Variants in TAC3 observed in about 807,000 individuals in gnomAD.
TAC3 encodes the protein tachykinin precursor 3, also known as tachykinin-3.
TAC3 carries 9 observed loss-of-function variants against 16.5 expected under a neutral mutation model. That is an observed-to-expected ratio of 0.55 (90% CI 0.33 to 0.95). The LOEUF (loss-of-function observed/expected upper bound fraction) is 0.95. TAC3 is among the 40% of genes least tolerant of loss of function. The pLI is 0.03. For missense variants in TAC3, 129 were observed against 149.1 expected (o/e 0.87, Z 0.70); for synonymous variants, 52 against 56.7 (o/e 0.92, Z 0.37).
intron 1 of TAC3, 96 bp from the exon 2 acceptor site, chr12:57,015,898 C>T (rs937431855): frequency 2.3e-5 from 23 of 1,017,338 alleles, no homozygotes; most frequent in Non-Finnish European, 3.1e-5. Context: ...AGCAGCTTGG[C>T]TTGACCCTGC....
chr12:57,012,092 C>T, intron 6 of TAC3: 1 of 449,024 alleles, frequency 2.2e-6, no homozygotes, highest in African/African-American at 2.0e-5. Flanking sequence ...ACAGAAATTG[C>T]CCATCGGGGA....
intron 2 of TAC3, among the ~76,000 whole-genome samples, chr12:57,014,488 T>C (rs1160080517): frequency 6.6e-6 from 1 of 152,160 alleles, no homozygotes; most frequent in East Asian, 1.9e-4. Context: ...ACTACCCTCT[T>C]CCTGCCCCAA....
chr12:57,011,458 C>A (rs777552136), intron 6 of TAC3, among the ~76,000 whole-genome samples: 2 of 152,172 alleles, frequency 1.3e-5, no homozygotes, highest in Non-Finnish European at 2.9e-5. Flanking sequence ...AGTGTCAAGG[C>A]GGAAGGTTCG....
Position 57,016,397 on chromosome 12 carries a change from G to A in TAC3, c.-16C>T, listed in dbSNP as rs1344403638. 1 of 451,116 alleles carries A rather than the reference G, an allele frequency of 2.2e-6. No homozygotes were observed. Among genetic ancestry groups the A allele is most frequent in the Admixed American group, 2.4e-5 (1 of 42,480 alleles). The allele number at this position is 451,116 out of a possible 1,614,324, so 27.9% of individuals were successfully genotyped here. A position where few individuals can be genotyped will look rare whatever the true frequency, so the allele number is the denominator to read the frequency against. On this transcript the variant is annotated 5_prime_UTR_variant, in exon 1 of 7. Transcript: ENST00000458521. ...CTCCCACTTGCCTACCTGTGGAGCA[G>A]CTCTGTGCCGGGGGCTGGGTGGTCT...
chr12:57,013,017 T>G, intron 4 of TAC3, 142 bp from the exon 5 acceptor site: 3 of 1,053,434 alleles, frequency 2.8e-6, no homozygotes, highest in Non-Finnish European at 4.3e-6. Flanking sequence ...AGTTAGCAAG[T>G]GCCTCCCCTA....
chr12:57,013,184 C>T lies in TAC3; in HGVS notation c.238+175G>A. 5 of 845,348 alleles carry T rather than the reference C, an allele frequency of 5.9e-6. No individual in the cohort carries two copies. In the South Asian group the frequency reaches 7.6e-5, roughly 13 times the overall value. The allele number at this position is 845,348 out of a possible 1,614,324, so 52.4% of individuals were successfully genotyped here. A position where few individuals can be genotyped will look rare whatever the true frequency, so the allele number is the denominator to read the frequency against. ...GAGCCCACCATGCCCCTCACACCAGCTTCCTCCTAGTTCTGGATGGCCTCT... is the reference window on the plus strand; with the variant it reads ...GAGCCCACCATGCCCCTCACACCAGTTTCCTCCTAGTTCTGGATGGCCTCT... On this transcript the variant is annotated intron_variant, in intron 4 of 6. Coordinates refer to ENST00000458521, the MANE Select transcript of TAC3 (RefSeq NM_013251.4).
At chr12:57,012,782 G>A (rs749635512) in intron 5 of TAC3, 40 bp downstream of exon 5, 22 of 1,613,926 alleles carry the variant, frequency 1.4e-5, no homozygotes, top group Non-Finnish European at 1.6e-5. Flanking sequence ...TACTCTGCCA[G>A]TACCCTAAGC....
chr12:57,011,411 C>G (rs940027077), intron 6 of TAC3, among the ~76,000 whole-genome samples: 2 of 152,166 alleles, frequency 1.3e-5, no homozygotes, highest in Non-Finnish European at 2.9e-5. Context: ...GAAAAGAAAG[C>G]CATTGGTGGA....
Position 57,012,472 on chromosome 12 carries a change from G to GT in TAC3, c.293-21dup. On this transcript the variant is annotated intron_variant, in intron 5 of 6. Transcript: ENST00000458521. ...GAGAGTCTAGGGTAAAGCGAACAGTGTAAGTAAGAGGGATCTTTCTGAATG... is the reference window on the plus strand; with the variant it reads ...GAGAGTCTAGGGTAAAGCGAACAGTGTTAAGTAAGAGGGATCTTTCTGAATG... 1 of 1,613,764 alleles carries GT rather than the reference G, an allele frequency of 6.2e-7. No individual in the cohort carries two copies. Among genetic ancestry groups the GT allele is most frequent in the African/African-American group, 1.3e-5 (1 of 75,002 alleles).
Position 57,015,702 on chromosome 12 carries a change from A to G in TAC3, c.96T>C (p.Pro32=). 6.2e-7 allele frequency: 1 copy of G among 1,613,906 alleles called. No individual in the cohort carries two copies. The highest frequency in any genetic ancestry group is 8.5e-7 in the Non-Finnish European group (1 of 1,179,962). ...GACTTACCTTGCTGCGGCCCCCGCC[A>G]GGAACCACCTCCTCCTGTGGCTCCT... ...VCKEPQEEVV[P]GGGRSKRDPD... The change falls in exon 2 of 7, where the codon CCT becomes CCC. Residue 32 remains proline (P), a synonymous_variant. Transcript: ENST00000458521.
At chr12:57,015,640 C>G (rs1282208452) in intron 2 of TAC3, 44 bp downstream of exon 2, 1 of 1,575,248 alleles carries the variant, frequency 6.3e-7, no homozygotes, top group South Asian at 1.1e-5. Context: ...GGCAGAGTCC[C>G]AAGTTCCCGT....
In TAC3 at chr12:57,012,559, G is replaced by T. The variant is rs1004555748; in HGVS notation, c.293-107C>A. The T allele has an allele frequency of 2.9e-5, 46 of 1,602,592 alleles. No homozygotes were observed. In the African/African-American group the frequency reaches 5.9e-4, roughly 20 times the overall value. On this transcript the variant is annotated intron_variant, in intron 5 of 6. Transcript: ENST00000458521. ...ATGACGGGCAGTGTTCAAAGACAGA[G>T]TTGGGAGACTGGGGTGGAAGCAGAG...
chr12:57,014,943 C>T (rs1298267172), intron 2 of TAC3, among the ~76,000 whole-genome samples: 2 of 152,202 alleles, frequency 1.3e-5, no homozygotes, highest in Non-Finnish European at 2.9e-5. Context: ...ATCTTAAAAG[C>T]ATTTGTACCG....
chr12:57,014,227 A>ATT (rs200162962), intron 2 of TAC3, among the ~76,000 whole-genome samples: 5 of 140,730 alleles, frequency 3.6e-5, no homozygotes, highest in South Asian at 2.3e-4. Context: ...TGTCCCTGTG[A>ATT]TTTTTTTTTT....
intron 6 of TAC3, among the ~76,000 whole-genome samples, chr12:57,011,387 C>A (rs142263473): frequency 6.6e-6 from 1 of 152,308 alleles, no homozygotes; most frequent in African/African-American, 2.4e-5. Flanking sequence ...CACCCCAATT[C>A]TTTGGAAGCT....
At chr12:57,015,642 A>C in intron 2 of TAC3, 42 bp downstream of exon 2, 1 of 1,577,838 alleles carries the variant, frequency 6.3e-7, no homozygotes, top group Non-Finnish European at 8.7e-7. Flanking sequence ...CAGAGTCCCA[A>C]GTTCCCGTGA....
At chr12:57,015,906 T>C (rs1956367498) in intron 1 of TAC3, 104 bp from the exon 2 acceptor site, 3 of 951,502 alleles carry the variant, frequency 3.2e-6, no homozygotes, top group East Asian at 2.6e-5. Flanking sequence ...GGCTTGACCC[T>C]GCTTCCCCAG....
chr12:57,015,780 T>C lies in TAC3; in HGVS notation c.18A>G (p.Leu6=). MRIML[L]FTAILAFSLA... is the part of the protein sequence containing the mutation. ...GGCTGAAGGCCAGGATGGCTGTGAA[T>C]AGCAGCATGATCCTCATGGTGCCTG... is the stretch of plus-strand genomic sequence containing the variant. The change falls in exon 2 of 7, where the codon CTA becomes CTG. Residue 6 remains leucine (L), a synonymous_variant. Transcript: ENST00000458521. The C allele has an allele frequency of 6.2e-7, 1 of 1,614,132 alleles. No individual in the cohort carries two copies. Among genetic ancestry groups the C allele is most frequent in the South Asian group, 1.1e-5 (1 of 91,088 alleles).
Position 57,013,405 on chromosome 12 carries a change from A to G in TAC3, c.209-17T>C, listed in dbSNP as rs1414781262. On this transcript the variant is annotated splice_polypyrimidine_tract_variant and intron_variant, in intron 3 of 6. Transcript: ENST00000458521. ...CCTTAGGATCTGTGAAACCAAGAACAGATGTCTAAATGGGGAGTGAAGTTG... is the reference window on the plus strand; with the variant it reads ...CCTTAGGATCTGTGAAACCAAGAACGGATGTCTAAATGGGGAGTGAAGTTG... 1 of 1,614,140 alleles carries G rather than the reference A, an allele frequency of 6.2e-7. No homozygotes were observed. The highest frequency in any genetic ancestry group is 1.1e-5 in the South Asian group (1 of 91,078).
Sources: allele counts gnomAD v4.1 joint callset (sites outside exome capture counted in the v4.1 genomes callset), GRCh38; gene constraint gnomAD v4.1.1; transcripts MANE v1.5; gene names NCBI Gene and HGNC (gene_info 2026-07-23, HGNC 2026-07-21).